The following NSMCE2 variants were observed in gnomAD, a reference collection of about 807,000 sequenced individuals.
The protein encoded by NSMCE2 is NSE2 SUMO ligase component of SMC5/6 complex.
NSMCE2 carries 24 observed loss-of-function variants against 23.8 expected under a neutral mutation model. The observed-to-expected ratio is 1.01, with a 90% CI of 0.73 to 1.42. The LOEUF (loss-of-function observed/expected upper bound fraction) is 1.42. NSMCE2 is among the 40% of genes most tolerant of loss of function. The probability of loss-of-function intolerance (pLI) is 0.00; values close to 1 mark genes in which losing one functional copy is unlikely to be tolerated. For synonymous variants in NSMCE2, 92 were observed against 94.1 expected (o/e 0.98, Z 0.13); for missense variants, 284 against 296.5 (o/e 0.96, Z 0.31).
chr8:125,333,277 C>T (rs1343806316), intron 5 of NSMCE2, among the ~76,000 whole-genome samples: 1 of 151,692 alleles, frequency 6.6e-6, no homozygotes, highest in African/African-American at 2.4e-5. Context: ...CCAAGTAATC[C>T]TCCCCATTCA....
intron 5 of NSMCE2, among the ~76,000 whole-genome samples, chr8:125,333,734 C>T (rs1179592024): frequency 6.6e-6 from 1 of 151,668 alleles, no homozygotes; most frequent in African/African-American, 2.4e-5. Context: ...GGGATGGTCT[C>T]GATCTCCTGA....
chr8:125,213,545 C>A (rs1198908533), intron 5 of NSMCE2, among the ~76,000 whole-genome samples: 1 of 120,508 alleles, frequency 8.3e-6, no homozygotes, highest in Non-Finnish European at 1.8e-5. Context: ...CTCTCCCCTC[C>A]ACTCCCCTCC....
intron 5 of NSMCE2, 70 bp downstream of exon 5, chr8:125,182,326 T>C: frequency 1.7e-6 from 2 of 1,159,892 alleles, no homozygotes; most frequent in South Asian, 2.7e-5. Context: ...ACAGCCCCAG[T>C]TAACTGATTT....
At chr8:125,170,317 T>C (rs1399271084) in intron 4 of NSMCE2, among the ~76,000 whole-genome samples, 1 of 151,048 alleles carries the variant, frequency 6.6e-6, no homozygotes, top group African/African-American at 2.4e-5. Flanking sequence ...AGTTGTCCTT[T>C]GTTCCTTAAT....
intron 5 of NSMCE2, among the ~76,000 whole-genome samples, chr8:125,316,769 T>TTCCTTCTC (rs1242823711): frequency 3.6e-4 from 51 of 140,516 alleles, no homozygotes; most frequent in African/African-American, 1.4e-3. Flanking sequence ...CCTTCCTTCC[T>TTCCTTCTC]TCTCTCTCTC....
chr8:125,183,547 A>G lies in NSMCE2; in HGVS notation c.418+1291A>G, dbSNP rs376891892. Among the ~76,000 whole-genome samples, 8 of 152,142 alleles carry G rather than the reference A, an allele frequency of 5.3e-5. No individual in the cohort carries two copies. The South Asian group carries it at 8.3e-4, about 16-fold the overall frequency. On this transcript the variant is annotated intron_variant, in intron 5 of 7. Coordinates refer to ENST00000287437, the MANE Select transcript of NSMCE2 (RefSeq NM_173685.4). The stretch of plus-strand genomic sequence containing the variant: ...TTAAAGATGCTAGTGAATTAATTGT[A>G]TAGCCATGAGAATTAGACATTATTC...
intron 5 of NSMCE2, among the ~76,000 whole-genome samples, chr8:125,220,565 A>G (rs1361473422): frequency 1.3e-5 from 2 of 152,060 alleles, no homozygotes; most frequent in Admixed American, 6.5e-5. Context: ...TCATATTACA[A>G]CTTGTTCTCT....
intron 5 of NSMCE2, among the ~76,000 whole-genome samples, chr8:125,335,873 G>A (rs1395659659): frequency 3.9e-5 from 6 of 152,190 alleles, no homozygotes; most frequent in African/African-American, 1.4e-4. Context: ...AGGTTGGTGT[G>A]TCATCTAAAG....
At chr8:125,365,199 C>T (rs1586826074) in intron 7 of NSMCE2, among the ~76,000 whole-genome samples, 1 of 152,152 alleles carries the variant, frequency 6.6e-6, no homozygotes, top group South Asian at 2.1e-4. Context: ...GACTGTGGTT[C>T]TGTGCTGCAG....
Position 125,318,654 on chromosome 8 carries a change from C to T in NSMCE2, c.419-38565C>T, listed in dbSNP as rs1023785187. On this transcript the variant is annotated intron_variant, in intron 5 of 7. Transcript: ENST00000287437. ...AATAACAGGTACCACATTGAACTTC[C>T]CTCCTAAAATAACAGAGAAAAAAAA... 5.9e-5 allele frequency among the ~76,000 whole-genome samples: 9 copies of T among 152,184 alleles called. No homozygotes were observed. The East Asian group carries it at 1.7e-3, about 29-fold the overall frequency.
At chr8:125,317,966 T>C (rs1206174254) in intron 5 of NSMCE2, among the ~76,000 whole-genome samples, 2 of 152,146 alleles carry the variant, frequency 1.3e-5, no homozygotes, top group Non-Finnish European at 2.9e-5. Flanking sequence ...GTAATTTATG[T>C]GATAGAGGAT....
intron 5 of NSMCE2, among the ~76,000 whole-genome samples, chr8:125,323,485 A>G (rs1296758023): frequency 6.6e-6 from 1 of 152,236 alleles, no homozygotes; most frequent in Non-Finnish European, 1.5e-5. Context: ...GAGTCCAGAA[A>G]TAGATCCATG....
At chr8:125,111,792 C>T (rs889024696) in intron 3 of NSMCE2, among the ~76,000 whole-genome samples, 26 of 151,922 alleles carry the variant, frequency 1.7e-4, no homozygotes, top group East Asian at 7.7e-4. Context: ...AGAGTGAGAC[C>T]GTGTCTCAAA....
At chr8:125,286,774 CAAA>C (rs11403131) in intron 5 of NSMCE2, among the ~76,000 whole-genome samples, 9 of 131,602 alleles carry the variant, frequency 6.8e-5, no homozygotes, top group Non-Finnish European at 8.0e-5. Context: ...AAGCCTAGAG[CAAA>C]AAAAAAAAAA....
At chr8:125,126,012 C>T (rs768145009) in intron 3 of NSMCE2, among the ~76,000 whole-genome samples, 2 of 152,142 alleles carry the variant, frequency 1.3e-5, no homozygotes, top group African/African-American at 2.4e-5. Context: ...TTATACTGCC[C>T]TCTGATGTAG....
At chr8:125,310,172 G>A (rs767595403) in intron 5 of NSMCE2, among the ~76,000 whole-genome samples, 2 of 152,152 alleles carry the variant, frequency 1.3e-5, no homozygotes, top group Non-Finnish European at 2.9e-5. Context: ...TTTTGCTAGA[G>A]TCCTAAAGGG....
intron 5 of NSMCE2, among the ~76,000 whole-genome samples, chr8:125,321,966 A>T (rs992712675): frequency 6.6e-6 from 1 of 152,180 alleles, no homozygotes; most frequent in Non-Finnish European, 1.5e-5. Flanking sequence ...ATCTTTATGT[A>T]TGCTTATTTG....
intron 4 of NSMCE2, among the ~76,000 whole-genome samples, chr8:125,162,135 G>A (rs1361943241): frequency 2.6e-5 from 4 of 152,168 alleles, no homozygotes; most frequent in Admixed American, 6.5e-5. Context: ...TTCTTCTCTT[G>A]CAAAATCAGA....
rs531067807 is a variant in NSMCE2 at position 125,092,490 on chromosome 8, C to T, written c.-111+532C>T. 1.1e-4 allele frequency among the ~76,000 whole-genome samples: 16 copies of T among 152,254 alleles called. 1 individual carries two copies. Among genetic ancestry groups the T allele is most frequent in the Admixed American group, 1.0e-3 (16 of 15,294 alleles). ...AGGAGGTGTCAGTTTAAAGAAGCTG[C>T]AGACATGTGAGCAAATAGTTGTGAT... On this transcript the variant is annotated intron_variant, in intron 1 of 7. Transcript: ENST00000287437.
Sources: gnomAD v4.1 joint callset for allele counts (sites outside exome capture counted in the v4.1 genomes callset) on GRCh38, gnomAD v4.1.1 for gene constraint, MANE v1.5 for transcripts, NCBI Gene and HGNC (gene_info 2026-07-23, HGNC 2026-07-21) for gene names.